The following N4BP2L2 variants were observed in gnomAD, a reference collection of about 807,000 sequenced individuals.
The protein encoded by N4BP2L2 is NEDD4 binding protein 2 like 2.
N4BP2L2 carries 50 observed loss-of-function variants against 56.2 expected under a neutral mutation model. That is an observed-to-expected ratio of 0.89 (90% CI 0.71 to 1.13). The LOEUF (loss-of-function observed/expected upper bound fraction) is 1.13. Among genes scored for constraint, N4BP2L2 ranks in the 50% most tolerant of loss-of-function variants. The pLI is 0.00. For synonymous variants in N4BP2L2, 203 were observed against 223.6 expected, an observed-to-expected ratio of 0.91 and a Z score of 0.82; for missense variants, 689 against 693.8, an observed-to-expected ratio of 0.99 and a Z score of 0.08.
At chr13:32,451,474 A>G (rs1015422754) in intron 6 of N4BP2L2, among the ~76,000 whole-genome samples, 11 of 152,068 alleles carry the variant, frequency 7.2e-5, no homozygotes, top group African/African-American at 2.7e-4. Flanking sequence ...ATAACAACAA[A>G]TTTGAAAATT....
intron 6 of N4BP2L2, among the ~76,000 whole-genome samples, chr13:32,488,616 G>T (rs907914014): frequency 6.6e-6 from 1 of 152,104 alleles, no homozygotes; most frequent in South Asian, 2.1e-4. Flanking sequence ...ATAAAGGTAT[G>T]TATATGTGTT....
intron 2 of N4BP2L2, among the ~76,000 whole-genome samples, chr13:32,532,424 T>G (rs1036631638): frequency 1.3e-5 from 2 of 152,132 alleles, no homozygotes; most frequent in Non-Finnish European, 2.9e-5. Flanking sequence ...GAAGTTATTT[T>G]TGTGAATGAT....
chr13:32,452,894 T>C (rs2078329605), intron 6 of N4BP2L2, among the ~76,000 whole-genome samples: 1 of 152,150 alleles, frequency 6.6e-6, no homozygotes, highest in African/African-American at 2.4e-5. Flanking sequence ...TCTGTATTCA[T>C]GAAAGATATA....
chr13:32,439,543 A>G (rs2075951930), intron 7 of N4BP2L2, among the ~76,000 whole-genome samples: 1 of 152,272 alleles, frequency 6.6e-6, no homozygotes, highest in Non-Finnish European at 1.5e-5. Context: ...CTTCTCCCCA[A>G]AAAAATGGCA....
chr13:32,453,945 G>T (rs2078538705), intron 6 of N4BP2L2, among the ~76,000 whole-genome samples: 1 of 152,134 alleles, frequency 6.6e-6, no homozygotes, highest in Non-Finnish European at 1.5e-5. Context: ...GTCAGTTGGG[G>T]TAAGGCATAA....
chr13:32,442,828 AT>A lies in N4BP2L2; in HGVS notation c.1663del (p.Ile555LeufsTer15). On this transcript the variant is annotated frameshift_variant, in exon 7 of 10. Transcript: ENST00000357505. LOFTEE classifies it high-confidence loss of function. ...GCAATGAGAATAACGCTGTCCATCA[AT>A]ATTTAAAGGGGTAGCTTTGATAATA... The A allele has an allele frequency of 6.2e-7, 1 of 1,613,822 alleles. No individual in the cohort carries two copies. The highest frequency in any genetic ancestry group is 8.5e-7 in the Non-Finnish European group (1 of 1,179,842).
At chr13:32,463,230 T>G (rs2080524045) in intron 6 of N4BP2L2, among the ~76,000 whole-genome samples, 1 of 151,988 alleles carries the variant, frequency 6.6e-6, no homozygotes, top group Non-Finnish European at 1.5e-5. Flanking sequence ...AACAGTGAAT[T>G]TGAAGACAGG....
At chr13:32,475,240 C>T (rs1402555767) in intron 6 of N4BP2L2, among the ~76,000 whole-genome samples, 1 of 152,192 alleles carries the variant, frequency 6.6e-6, no homozygotes. Context: ...CTTACTGAAA[C>T]AGCTCCGTTG....
exon 7 of N4BP2L2, chr13:32,442,744 AAAG>A (rs778748231): frequency 5.6e-5 from 90 of 1,613,356 alleles, no homozygotes; most frequent in Non-Finnish European, 7.2e-5. Context: ...ATGTAGCACA[AAAG>A]AAGGAATATA....
chr13:32,528,822 G>C (rs930939107), intron 2 of N4BP2L2, among the ~76,000 whole-genome samples: 15 of 152,272 alleles, frequency 9.9e-5, no homozygotes, highest in African/African-American at 3.4e-4. Context: ...AAACTATTAA[G>C]ATGACAAGTG....
exon 6 of N4BP2L2, chr13:32,513,324 A>G (rs1020124940): frequency 6.6e-6 from 1 of 152,234 alleles, no homozygotes; most frequent in African/African-American, 2.4e-5. Context: ...AAAGTAAAAA[A>G]GGAATCAAAA....
intron 6 of N4BP2L2, among the ~76,000 whole-genome samples, chr13:32,452,014 G>T (rs1320920004): frequency 1.3e-5 from 2 of 151,704 alleles, no homozygotes; most frequent in Non-Finnish European, 2.9e-5. Context: ...TAATTTTCCG[G>T]AGAAAAGAAA....
At chr13:32,536,889 G>C in exon 2 of N4BP2L2, 3 of 1,613,894 alleles carry the variant, frequency 1.9e-6, no homozygotes, top group Non-Finnish European at 2.5e-6. Flanking sequence ...GTTTTCTCTT[G>C]GATTCTGTGA....
intron 6 of N4BP2L2, among the ~76,000 whole-genome samples, chr13:32,503,981 G>A (rs2090480306): frequency 6.6e-6 from 1 of 152,152 alleles, no homozygotes; most frequent in Non-Finnish European, 1.5e-5. Context: ...GGCAGCCTGG[G>A]TGAAAGAAAA....
intron 6 of N4BP2L2, among the ~76,000 whole-genome samples, chr13:32,468,088 G>A (rs1304717924): frequency 6.6e-6 from 1 of 152,162 alleles, no homozygotes; most frequent in African/African-American, 2.4e-5. Context: ...CAGGCAATGA[G>A]AGATATGCAT....
intron 3 of N4BP2L2, 151 bp downstream of exon 3, chr13:32,527,257 C>T: frequency 1.3e-6 from 1 of 756,330 alleles, no homozygotes; most frequent in Non-Finnish European, 2.1e-6. Context: ...ATTATCACCA[C>T]CTCTAACAGA....
At chr13:32,530,017 TG>T (rs1189700188) in intron 2 of N4BP2L2, among the ~76,000 whole-genome samples, 12 of 152,310 alleles carry the variant, frequency 7.9e-5, no homozygotes, top group African/African-American at 2.9e-4. Flanking sequence ...TGAGCCACCG[TG>T]CCCGGCACAG....
chr13:32,493,789 G>A (rs1244365688), intron 6 of N4BP2L2, among the ~76,000 whole-genome samples: 1 of 152,214 alleles, frequency 6.6e-6, no homozygotes, highest in African/African-American at 2.4e-5. Context: ...CAACTGACAA[G>A]GATTCAGACT....
chr13:32,467,558 G>T (rs1160853518), intron 6 of N4BP2L2, among the ~76,000 whole-genome samples: 3 of 151,296 alleles, frequency 2.0e-5, no homozygotes, highest in Non-Finnish European at 4.4e-5. Flanking sequence ...GATTACAGGC[G>T]TGAGCCATCG....
Sources: gnomAD v4.1 joint callset for allele counts (sites outside exome capture counted in the v4.1 genomes callset) on GRCh38, gnomAD v4.1.1 for gene constraint, MANE v1.5 for transcripts, NCBI Gene and HGNC (gene_info 2026-07-23, HGNC 2026-07-21) for gene names.